The following SRPK1 variants were observed in gnomAD, a reference collection of about 807,000 sequenced individuals.
SRPK1 encodes the protein SFRS protein kinase 1.
Under a neutral mutation model 89.5 loss-of-function variants are expected in SRPK1, and 52 were observed. That is an observed-to-expected ratio of 0.58 (90% CI 0.46 to 0.73). SRPK1 has a LOEUF of 0.73. Ranked by LOEUF, SRPK1 falls within the 30% of genes least tolerant of loss-of-function variation. The pLI, the probability that SRPK1 is intolerant of heterozygous loss-of-function variation, is 0.00. For synonymous variants in SRPK1, 255 were observed against 270.2 expected, an observed-to-expected ratio of 0.94 and a Z score of 0.55; for missense variants, 603 against 780.6, an observed-to-expected ratio of 0.77 and a Z score of 2.71.
chr6:35,902,471 A>C (rs1185554862), intron 2 of SRPK1, among the ~76,000 whole-genome samples: 2 of 152,136 alleles, frequency 1.3e-5, no homozygotes, highest in Non-Finnish European at 1.5e-5. Context: ...CATAAAAGAC[A>C]AAGATAAACC....
At chr6:35,911,016 C>T (rs140963682) in intron 2 of SRPK1, among the ~76,000 whole-genome samples, 1 of 152,314 alleles carries the variant, frequency 6.6e-6, no homozygotes, top group East Asian at 1.9e-4. Context: ...TGCCTACTGA[C>T]ATAACATGTA....
chr6:35,905,929 G>C (rs755013560), intron 2 of SRPK1, among the ~76,000 whole-genome samples: 1 of 151,996 alleles, frequency 6.6e-6, no homozygotes, highest in African/African-American at 2.4e-5. Flanking sequence ...CACAGAAAAA[G>C]CATAGAAACA....
At chr6:35,838,693 A>G in intron 14 of SRPK1, 7 of 1,477,298 alleles carry the variant, frequency 4.7e-6, no homozygotes, top group Non-Finnish European at 6.4e-6. Context: ...TGGGTCCTAC[A>G]TAACAATACT....
chr6:35,871,844 C>T (rs994386333), intron 8 of SRPK1, among the ~76,000 whole-genome samples: 2 of 152,192 alleles, frequency 1.3e-5, no homozygotes, highest in Non-Finnish European at 2.9e-5. Flanking sequence ...TAGGCTCAAG[C>T]AATCATCCTG....
intron 10 of SRPK1, 103 bp from the exon 11 acceptor site, chr6:35,870,004 G>A: frequency 7.6e-7 from 1 of 1,311,660 alleles, no homozygotes; most frequent in Non-Finnish European, 1.0e-6. Flanking sequence ...CTTATACTGA[G>A]TGACATAAAA....
intron 8 of SRPK1, 137 bp downstream of exon 8, chr6:35,872,426 C>CTTAATATGTTATTG: frequency 1.2e-6 from 1 of 809,150 alleles, no homozygotes; most frequent in Non-Finnish European, 1.8e-6. Flanking sequence ...GAGAATGTCT[C>CTTAATATGTTATTG]TTGGAAGCTG....
At chr6:35,914,721 C>G (rs1311129006) in intron 2 of SRPK1, among the ~76,000 whole-genome samples, 1 of 152,054 alleles carries the variant, frequency 6.6e-6, no homozygotes, top group African/African-American at 2.4e-5. Flanking sequence ...CTGCTGAATC[C>G]CGAATATGGA....
intron 6 of SRPK1, among the ~76,000 whole-genome samples, chr6:35,880,746 A>AAAAAAAAAAAAAAAAAAAGAAAGAAAG (rs1770263877): frequency 2.8e-4 from 25 of 89,214 alleles, no homozygotes; most frequent in Admixed American, 4.9e-4. Flanking sequence ...AAAAAAAAAA[A>AAAAAAAAAAAAAAAAAAAGAAAGAAAG]AAAAGAAAAG....
chr6:35,864,408 CA>C (rs976280635), intron 12 of SRPK1, among the ~76,000 whole-genome samples: 93 of 151,904 alleles, frequency 6.1e-4, no homozygotes, highest in Admixed American at 3.2e-3. Context: ...AGACATTTCT[CA>C]AAAGAAGACA....
rs185348719 is a variant in SRPK1, at chr6:35,866,314, G to A, written c.1512+2696C>T. Among the ~76,000 whole-genome samples, 431 of 152,240 alleles carry A rather than the reference G, an allele frequency of 2.8e-3. 1 individual carries two copies. The highest frequency in any genetic ancestry group is 0.01 in the Middle Eastern group (3 of 294). On this transcript the variant is annotated intron_variant, in intron 12 of 15. Coordinates refer to ENST00000373825, the MANE Select transcript of SRPK1 (RefSeq NM_003137.5). ...GAAAATAGTATGAATGGCCGGGCGC[G>A]GTGGCTCATGCCTCTAATCCCAGCA...
chr6:35,846,848 G>A lies in SRPK1; in HGVS notation c.1621-4244C>T, dbSNP rs4340986. On this transcript the variant is annotated intron_variant, in intron 13 of 15. Transcript: ENST00000373825. ...ATTCTACCAAACATATAACGAAGAA[G>A]TAACAGCAATCTGTCTCAAACTGCC... Among the ~76,000 whole-genome samples the A allele has an allele frequency of 4.9e-3, 739 of 152,114 alleles. 5 individuals are homozygous for A. Among genetic ancestry groups the A allele is most frequent in the African/African-American group, 0.013 (524 of 41,474 alleles).
At chr6:35,914,737 A>G (rs1245099593) in intron 2 of SRPK1, among the ~76,000 whole-genome samples, 1 of 152,216 alleles carries the variant, frequency 6.6e-6, no homozygotes, top group African/African-American at 2.4e-5. Flanking sequence ...ATGGAAAACA[A>G]TGCTTGGGAC....
At chr6:35,912,075 C>T (rs1394510637) in intron 2 of SRPK1, among the ~76,000 whole-genome samples, 5 of 152,008 alleles carry the variant, frequency 3.3e-5, no homozygotes, top group Non-Finnish European at 7.4e-5. Context: ...GGTTCACACC[C>T]CTAATCCCAA....
intron 12 of SRPK1, 151 bp downstream of exon 12, chr6:35,868,859 T>C (rs1479874309): frequency 9.7e-6 from 6 of 615,476 alleles, no homozygotes; most frequent in African/African-American, 3.8e-5. Flanking sequence ...AACTTTTCCA[T>C]AGTAAAAGGT....
chr6:35,838,316 C>T, intron 15 of SRPK1, 21 bp downstream of exon 15: 2 of 1,512,926 alleles, frequency 1.3e-6, no homozygotes, highest in Non-Finnish European at 1.8e-6. Flanking sequence ...TCCTTAATGT[C>T]TGGGAACACA....
Position 35,834,953 on chromosome 6 carries a change from TA to T in SRPK1, c.*350del, listed in dbSNP as rs144182676. 0.011 allele frequency: 1,885 copies of T among 170,254 alleles called. 36 individuals are homozygous for T. The highest frequency in any genetic ancestry group is 0.043 in the African/African-American group (1,798 of 42,176). The allele number at this position is 170,254 out of a possible 1,614,324, so 10.5% of individuals were successfully genotyped here. On this transcript the variant is annotated 3_prime_UTR_variant, in exon 16 of 16. Transcript: ENST00000373825. ...AAATTTGACTCTTAGAGTCAATGAA[TA>T]AAAGGATGGGCTCATACACCTTCAT...
chr6:35,835,340 G>A lies in SRPK1; in HGVS notation c.1932C>T (p.Ala644=), dbSNP rs370033506. ...LELIPEKRAT[A]AECLRHPWLN... ...GCCAAGGGTGCCGGAGACACTCGGCGGCAGTGGCTCTCTTCTCAGGGATCA... is the reference window on the plus strand; with the variant it reads ...GCCAAGGGTGCCGGAGACACTCGGCAGCAGTGGCTCTCTTCTCAGGGATCA... The change falls in exon 16 of 16, where the codon GCC becomes GCT. Residue 644 remains alanine, a synonymous_variant. Transcript: ENST00000373825. The A allele has an allele frequency of 3.2e-5, 51 of 1,613,632 alleles. No individual in the cohort carries two copies. The highest frequency in any genetic ancestry group is 3.3e-4 in the Middle Eastern group (2 of 6,074).
Position 35,835,398 on chromosome 6 carries a change from C to A in SRPK1, c.1874G>T (p.Gly625Val), listed in dbSNP as rs1382263733. The A allele has an allele frequency of 4.3e-6, 7 of 1,613,726 alleles. No homozygotes were observed. The highest frequency in any genetic ancestry group is 5.9e-6 in the Non-Finnish European group (7 of 1,179,804). Residue 625 changes from glycine to valine, a missense_variant, in exon 16 of 16, where the codon GGC becomes GTC. Physicochemically the swap from Gly to Val is moderately radical, Grantham distance 109. Transcript: ENST00000373825. The stretch of plus-strand genomic sequence containing the variant: ...CATGGGCAGTAAGAAATCTGTGAAG[C>A]CAGCTGCCTCTTCCTGCGACCACTC... Reference protein sequence around the residue: ...KYEWSQEEAAGFTDFLLPMLE... With the variant: ...KYEWSQEEAAVFTDFLLPMLE...
intron 6 of SRPK1, among the ~76,000 whole-genome samples, chr6:35,877,616 G>A (rs747487998): frequency 6.6e-6 from 1 of 152,138 alleles, no homozygotes; most frequent in Non-Finnish European, 1.5e-5. Flanking sequence ...GCCGAGGTGG[G>A]CGGATCACGA....
Sources: allele counts gnomAD v4.1 joint callset (sites outside exome capture counted in the v4.1 genomes callset), GRCh38; gene constraint gnomAD v4.1.1; transcripts MANE v1.5; gene names NCBI Gene and HGNC (gene_info 2026-07-23, HGNC 2026-07-21).